XYLB: variants seen among roughly 807,000 people sequenced by gnomAD.
XYLB encodes xylulose kinase.
In XYLB, 62 loss-of-function variants were observed where a neutral mutation model predicts 78.7. The ratio of observed to expected loss-of-function variants is 0.79; its 90% CI spans 0.64 to 0.97. The LOEUF (loss-of-function observed/expected upper bound fraction) is 0.97, where lower values mean the gene tolerates loss of function less well. Among genes scored for constraint, XYLB ranks in the 50% least tolerant of loss-of-function variants. The probability of loss-of-function intolerance (pLI) is 0.00; values close to 1 mark genes in which losing one functional copy is unlikely to be tolerated. For missense variants in XYLB, 687 were observed against 676.8 expected (o/e 1.02, Z -0.17); for synonymous variants, 245 against 247.4 (o/e 0.99, Z 0.09).
intron 15 of XYLB, among the ~76,000 whole-genome samples, chr3:38,388,591 A>G (rs1707499594): frequency 6.6e-6 from 1 of 152,202 alleles, no homozygotes; most frequent in South Asian, 2.1e-4. Flanking sequence ...TGGTGTAACT[A>G]GGGTTGGTTT....
rs565247615 is a variant in XYLB, at chr3:38,365,813, G to C, written c.507+77G>C. 7.1e-5 allele frequency: 106 copies of C among 1,498,672 alleles called. No individual in the cohort carries two copies. In the African/African-American group the frequency reaches 1.3e-3, roughly 19 times the overall value. 92.8% of individuals were successfully genotyped at this position (1,498,672 alleles called of 1,614,324 possible). ...AGGCATAGTGGGTGACCTGCCTCTG[G>C]GGGGATCACATGAGGTCATGGAGGT... On this transcript the variant is annotated intron_variant, in intron 6 of 18. Coordinates refer to ENST00000207870, the MANE Select transcript of XYLB (RefSeq NM_005108.4).
downstream of XYLB, among the ~76,000 whole-genome samples, chr3:38,422,291 G>C (rs991244303): frequency 4.6e-5 from 7 of 152,202 alleles, no homozygotes; most frequent in African/African-American, 1.4e-4. Context: ...TCCCTGGAAA[G>C]CAGAGCCAGG....
At chr3:38,424,075 G>A (rs1709054085), downstream of XYLB, among the ~76,000 whole-genome samples, 1 of 152,094 alleles carries the variant, frequency 6.6e-6, no homozygotes, top group South Asian at 2.1e-4. Context: ...CAAACCCTTG[G>A]CAATTAACAA....
chr3:38,374,317 C>T, intron 10 of XYLB, 145 bp from the exon 11 acceptor site: 1 of 1,155,976 alleles, frequency 8.7e-7, no homozygotes, highest in South Asian at 1.4e-5. Context: ...CTCCTGAGCG[C>T]TCAGCTCCCC....
downstream of XYLB, among the ~76,000 whole-genome samples, chr3:38,421,875 G>A (rs990034299): frequency 6.6e-6 from 1 of 152,124 alleles, no homozygotes; most frequent in African/African-American, 2.4e-5. Context: ...AGGACACTGG[G>A]CGAAAAGTAG....
chr3:38,397,527 A>G (rs954928047), intron 17 of XYLB, among the ~76,000 whole-genome samples: 1 of 152,180 alleles, frequency 6.6e-6, no homozygotes, highest in Non-Finnish European at 1.5e-5. Flanking sequence ...CAGCAAGAAC[A>G]GAAGTTGAAA....
In XYLB at chr3:38,368,275, G is replaced by C; in HGVS notation, c.646+18G>C. ...CAGTGATGGTGAGCCTCGGGGTATG[G>C]GGTGGGTGCCTGGGCAGTGTGCATG... On this transcript the variant is annotated intron_variant, in intron 8 of 18. Coordinates refer to ENST00000207870, the MANE Select transcript of XYLB (RefSeq NM_005108.4). 9 of 1,613,234 alleles carry C rather than the reference G, an allele frequency of 5.6e-6. No individual in the cohort carries two copies. Among genetic ancestry groups the C allele is most frequent in the Non-Finnish European group, 7.6e-6 (9 of 1,179,200 alleles).
At chr3:38,444,731 G>A in the XYLB span, among the ~76,000 whole-genome samples, 66 of 152,252 alleles carry the variant, frequency 4.3e-4, 1 homozygote, top group South Asian at 0.013. Context: ...GGATGAGCCT[G>A]TTGATGCCTG....
In XYLB at chr3:38,390,886, C is replaced by T. The variant is rs1707621840; in HGVS notation, c.1292-4619C>T. Among the ~76,000 whole-genome samples, 3 of 152,084 alleles carry T rather than the reference C, an allele frequency of 2.0e-5. No individual in the cohort carries two copies. In the South Asian group the frequency reaches 6.2e-4, roughly 32 times the overall value. ...ATGTATCTTACAGCAAGTTATAAAA[C>T]ATATTAATCAAACATCTGATGATCA... On this transcript the variant is annotated intron_variant, in intron 15 of 18. Transcript: ENST00000207870.
At chr3:38,357,455 C>A (rs534248333) in intron 2 of XYLB, among the ~76,000 whole-genome samples, 1 of 150,374 alleles carries the variant, frequency 6.7e-6, no homozygotes, top group Non-Finnish European at 1.5e-5. Context: ...GGCGTGATCT[C>A]GGCTCACTGC....
chr3:38,436,863 G>T, the XYLB span, among the ~76,000 whole-genome samples: 5 of 151,824 alleles, frequency 3.3e-5, no homozygotes, highest in Admixed American at 1.3e-4. Flanking sequence ...AATTAGCCAG[G>T]TGTGATGGTG....
At chr3:38,433,857 C>G in the XYLB span, among the ~76,000 whole-genome samples, 1 of 152,186 alleles carries the variant, frequency 6.6e-6, no homozygotes, top group Non-Finnish European at 1.5e-5. Flanking sequence ...TTTTAAGTAT[C>G]CTTATAGCAG....
intron 14 of XYLB, among the ~76,000 whole-genome samples, chr3:38,378,936 C>T (rs948040503): frequency 1.3e-5 from 2 of 151,648 alleles, no homozygotes; most frequent in African/African-American, 4.9e-5. Context: ...GATAGCAAGA[C>T]TAATGTAACT....
At position 38,382,095 on chromosome 3, in the gene XYLB, C is replaced by T. The variant is rs181736407; in HGVS notation, c.1291+2753C>T. The stretch of plus-strand genomic sequence containing the variant: ...TTTTGTACTCTGTCCCTTTGTTTCT[C>T]AAGCCAGCCGATGCTTAGGAAAAAT... On this transcript the variant is annotated intron_variant, in intron 15 of 18. Coordinates refer to ENST00000207870, the MANE Select transcript of XYLB (RefSeq NM_005108.4). 5.8e-3 allele frequency among the ~76,000 whole-genome samples: 879 copies of T among 152,298 alleles called. 3 individuals are homozygous for T. The highest frequency in any genetic ancestry group is 0.02 in the African/African-American group (844 of 41,558).
At chr3:38,381,512 T>C (rs1274591432) in intron 15 of XYLB, among the ~76,000 whole-genome samples, 4 of 152,230 alleles carry the variant, frequency 2.6e-5, no homozygotes, top group Non-Finnish European at 4.4e-5. Context: ...GCTGGTGAGC[T>C]GGGCAGAACA....
intron 9 of XYLB, 84 bp downstream of exon 9, chr3:38,370,258 A>ACACACACACACACG (rs1706484461): frequency 1.1e-6 from 1 of 886,942 alleles, no homozygotes; most frequent in East Asian, 2.4e-5. Flanking sequence ...ACACACACAC[A>ACACACACACACACG]CACACACACT....
chr3:38,355,652 A>G, intron 2 of XYLB: 1 of 694,370 alleles, frequency 1.4e-6, no homozygotes, highest in Admixed American at 2.0e-5. Context: ...GTGGAATATA[A>G]GAAAATGTGA....
At position 38,413,160 on chromosome 3, in the gene XYLB, C is replaced by T. The variant is rs878948654; in HGVS notation, c.*147C>T. 2.3e-5 allele frequency: 15 copies of T among 666,666 alleles called. No individual in the cohort carries two copies. The highest frequency in any genetic ancestry group is 5.7e-5 in the African/African-American group (3 of 52,306). 41.3% of individuals were successfully genotyped at this position (666,666 alleles called of 1,614,324 possible). On this transcript the variant is annotated 3_prime_UTR_variant, in exon 19 of 19. Transcript: ENST00000207870. ...GGAGTGTCCAGGACCATCTTAAAGC[C>T]GCCCTCAGCACATCTGCATGAAGAT...
In XYLB at chr3:38,369,485, A is replaced by G. The variant is rs553427945; in HGVS notation, c.647-571A>G. 7.2e-5 allele frequency among the ~76,000 whole-genome samples: 11 copies of G among 152,306 alleles called. No homozygotes were observed. The South Asian group carries it at 2.3e-3, about 32-fold the overall frequency. Reference sequence around the variant, plus strand: ...TTTCACCTGGGCAGGTGACACCATCAGCATCCCAGCCCACCTCTGTCTGCC... The same window carrying G: ...TTTCACCTGGGCAGGTGACACCATCGGCATCCCAGCCCACCTCTGTCTGCC... On this transcript the variant is annotated intron_variant, in intron 8 of 18. Coordinates refer to ENST00000207870, the MANE Select transcript of XYLB (RefSeq NM_005108.4).
Sources: allele counts gnomAD v4.1 joint callset (sites outside exome capture counted in the v4.1 genomes callset), GRCh38; gene constraint gnomAD v4.1.1; transcripts MANE v1.5; gene names NCBI Gene and HGNC (gene_info 2026-07-23, HGNC 2026-07-21).